Variants in GRID2 observed in about 807,000 individuals in gnomAD.
GRID2 encodes glutamate ionotropic receptor delta type subunit 2, also known as glutamate receptor ionotropic, delta-2.
GRID2 carries 33 observed loss-of-function variants against 114.8 expected under a neutral mutation model. The ratio of observed to expected loss-of-function variants is 0.29; its 90% CI spans 0.22 to 0.38. The LOEUF is 0.38. Ranked by LOEUF, GRID2 falls within the 10% of genes least tolerant of loss-of-function variation. The probability of loss-of-function intolerance (pLI) is 1.00; values close to 1 mark genes in which losing one functional copy is unlikely to be tolerated. For synonymous variants in GRID2, 505 were observed against 449.9 expected (o/e 1.12, Z -1.55); for missense variants, 1,184 against 1,257.7 (o/e 0.94, Z 0.89).
chr4:92,688,049 T>TTTTTTTTTTTTTTTTTTTA (rs1734005354), intron 2 of GRID2, among the ~76,000 whole-genome samples: 1 of 123,384 alleles, frequency 8.1e-6, no homozygotes, highest in South Asian at 3.2e-4. Flanking sequence ...TTTTTTTTTT[T>TTTTTTTTTTTTTTTTTTTA]TTTTTTTTTT....
chr4:93,652,708 C>G (rs1220012426), intron 14 of GRID2, among the ~76,000 whole-genome samples: 1 of 147,966 alleles, frequency 6.8e-6, no homozygotes. Context: ...TTCAAGCCAG[C>G]CAGTCCATGG....
chr4:92,983,652 A>G (rs1445219343), intron 2 of GRID2, among the ~76,000 whole-genome samples: 1 of 152,130 alleles, frequency 6.6e-6, no homozygotes, highest in African/African-American at 2.4e-5. Flanking sequence ...AATTTCTTAT[A>G]TATTTCAGTT....
At chr4:92,498,085 G>T (rs11732713) in intron 1 of GRID2, among the ~76,000 whole-genome samples, 4,686 of 151,834 alleles carry the variant, frequency 0.031, 112 homozygotes, top group Non-Finnish European at 0.051. Context: ...TATAGAAGAA[G>T]ATAAGGAAGA....
chr4:92,985,763 T>C (rs1754480698), intron 2 of GRID2, among the ~76,000 whole-genome samples: 2 of 152,174 alleles, frequency 1.3e-5, no homozygotes, highest in African/African-American at 2.4e-5. Context: ...TGAGAAATAT[T>C]CCGCTTATGA....
chr4:93,402,716 CAA>C (rs1766017185), intron 9 of GRID2, among the ~76,000 whole-genome samples: 1 of 151,962 alleles, frequency 6.6e-6, no homozygotes, highest in African/African-American at 2.4e-5. Context: ...CCACCGAAAA[CAA>C]AAGCACCCTG....
At chr4:93,548,390 G>C (rs1733433788) in intron 13 of GRID2, among the ~76,000 whole-genome samples, 1 of 152,134 alleles carries the variant, frequency 6.6e-6, no homozygotes, top group South Asian at 2.1e-4. Flanking sequence ...CCATCTCATG[G>C]GAAGTTGAGT....
In GRID2 at chr4:93,077,535, T is replaced by C. The variant is rs1041666969; in HGVS notation, c.245-7460T>C. Among the ~76,000 whole-genome samples, 4 of 152,198 alleles carry C rather than the reference T, an allele frequency of 2.6e-5. No individual in the cohort carries two copies. The South Asian group carries it at 8.3e-4, about 31-fold the overall frequency. On this transcript the variant is annotated intron_variant, in intron 2 of 15. Transcript: ENST00000282020. ...CAATAATTTTAATAAATAGAATTTC[T>C]ATAAAATGATTAAAAAGTTTTAAAG...
At chr4:92,893,657 G>C (rs1746958199) in intron 2 of GRID2, among the ~76,000 whole-genome samples, 1 of 152,058 alleles carries the variant, frequency 6.6e-6, no homozygotes, top group African/African-American at 2.4e-5. Context: ...TGGGTGTAAA[G>C]AGATAATTAA....
chr4:92,838,355 T>C (rs1176381121), intron 2 of GRID2, among the ~76,000 whole-genome samples: 1 of 152,114 alleles, frequency 6.6e-6, no homozygotes, highest in Non-Finnish European at 1.5e-5. Flanking sequence ...GGGAGTGATG[T>C]GTGTCTTTGT....
intron 2 of GRID2, among the ~76,000 whole-genome samples, chr4:92,667,135 A>G (rs1732829974): frequency 6.6e-6 from 1 of 151,640 alleles, no homozygotes; most frequent in Non-Finnish European, 1.5e-5. Flanking sequence ...TCAGTTTACC[A>G]CTAAAGCCTT....
intron 2 of GRID2, among the ~76,000 whole-genome samples, chr4:92,936,818 A>AAGAAACTT (rs1484130882): frequency 6.8e-6 from 1 of 146,534 alleles, no homozygotes; most frequent in Non-Finnish European, 1.5e-5. Flanking sequence ...TCAGTCCTCA[A>AAGAAACTT]AGAAACTTAG....
chr4:93,150,051 AAAATTAC>A (rs1189948576), intron 4 of GRID2, among the ~76,000 whole-genome samples: 1 of 152,214 alleles, frequency 6.6e-6, no homozygotes, highest in Non-Finnish European at 1.5e-5. Context: ...GATTACAAGT[AAAATTAC>A]CAAAAAAGAA....
chr4:92,600,776 G>T (rs141414353), intron 2 of GRID2, among the ~76,000 whole-genome samples: 1 of 152,150 alleles, frequency 6.6e-6, no homozygotes, highest in Non-Finnish European at 1.5e-5. Flanking sequence ...GATCTCCGTC[G>T]CAGAGGGAAA....
chr4:92,753,875 A>G (rs1035921443), intron 2 of GRID2, among the ~76,000 whole-genome samples: 14 of 152,338 alleles, frequency 9.2e-5, no homozygotes, highest in African/African-American at 3.4e-4. Context: ...ATGATACTAT[A>G]GTTTTTAAAA....
intron 8 of GRID2, among the ~76,000 whole-genome samples, chr4:93,290,556 A>C (rs1293667382): frequency 6.6e-6 from 1 of 152,056 alleles, no homozygotes; most frequent in Non-Finnish European, 1.5e-5. Flanking sequence ...TTAACACTTT[A>C]GTAAGAGTCA....
At chr4:93,619,777 T>TA in intron 13 of GRID2, among the ~76,000 whole-genome samples, 1 of 152,312 alleles carries the variant, frequency 6.6e-6, no homozygotes, top group African/African-American at 2.4e-5. Flanking sequence ...GCCCAATTTT[T>TA]TTTTACCTTA....
intron 1 of GRID2, among the ~76,000 whole-genome samples, chr4:92,328,197 T>C (rs1726694025): frequency 1.3e-5 from 2 of 152,038 alleles, no homozygotes. Flanking sequence ...AGGTCTCTGC[T>C]GGAACAGGAT....
At chr4:93,171,119 A>G (rs1738774920) in intron 4 of GRID2, among the ~76,000 whole-genome samples, 1 of 152,204 alleles carries the variant, frequency 6.6e-6, no homozygotes, top group Non-Finnish European at 1.5e-5. Flanking sequence ...GTAGTAAAAT[A>G]AAAAGGCTTT....
chr4:93,311,856 G>A lies in GRID2; in HGVS notation c.1245+73366G>A, dbSNP rs142646450. Among the ~76,000 whole-genome samples the A allele has an allele frequency of 1.6e-3, 248 of 152,276 alleles. 2 individuals carry two copies. Among genetic ancestry groups the A allele is most frequent in the African/African-American group, 5.2e-3 (215 of 41,568 alleles). On this transcript the variant is annotated intron_variant, in intron 8 of 15. Coordinates refer to ENST00000282020, the MANE Select transcript of GRID2 (RefSeq NM_001510.4). ...CTTCAAGGTCATTATTAATCTTAGC[G>A]TGAGCGGTTTTGGTGATGTTATTGA...
Sources: gnomAD v4.1 joint callset for allele counts (sites outside exome capture counted in the v4.1 genomes callset) on GRCh38, gnomAD v4.1.1 for gene constraint, MANE v1.5 for transcripts, NCBI Gene and HGNC (gene_info 2026-07-23, HGNC 2026-07-21) for gene names.